The following ULK4 variants were observed in gnomAD, a reference collection of about 807,000 sequenced individuals.
ULK4 encodes the protein unc-51 like kinase 4.
In ULK4, 133 loss-of-function variants were observed where a neutral mutation model predicts 160.6. The ratio of observed to expected loss-of-function variants is 0.83; its 90% CI spans 0.72 to 0.96. The LOEUF (loss-of-function observed/expected upper bound fraction) is 0.96, where lower values mean the gene tolerates loss of function less well. Among genes scored for constraint, ULK4 ranks in the 40% least tolerant of loss-of-function variants. The probability of loss-of-function intolerance (pLI) is 0.00; values close to 1 mark genes in which losing one functional copy is unlikely to be tolerated. For synonymous variants in ULK4, 534 were observed against 539.8 expected (o/e 0.99, Z 0.15); for missense variants, 1,580 against 1,499.5 (o/e 1.05, Z -0.89).
At chr3:41,650,146 C>T (rs949965726) in intron 30 of ULK4, among the ~76,000 whole-genome samples, 1 of 152,180 alleles carries the variant, frequency 6.6e-6, no homozygotes, top group Non-Finnish European at 1.5e-5. Flanking sequence ...CACTTTGGGT[C>T]TCCTGGGAGC....
intron 30 of ULK4, among the ~76,000 whole-genome samples, chr3:41,623,585 A>C (rs1460934565): frequency 6.6e-6 from 1 of 152,162 alleles, no homozygotes; most frequent in Non-Finnish European, 1.5e-5. Context: ...AATTATCCTA[A>C]GTGAAATAAG....
At chr3:41,279,254 G>GAAAAAAAAA (rs2079295716) in intron 35 of ULK4, among the ~76,000 whole-genome samples, 2 of 54,182 alleles carry the variant, frequency 3.7e-5, no homozygotes, top group African/African-American at 2.4e-4. Flanking sequence ...GAAAAAAAGA[G>GAAAAAAAAA]TAAAAAAAAA....
intron 22 of ULK4, among the ~76,000 whole-genome samples, chr3:41,729,153 T>C (rs2037744053): frequency 6.6e-6 from 1 of 152,170 alleles, no homozygotes; most frequent in African/African-American, 2.4e-5. Flanking sequence ...TCAGGATGAC[T>C]ATATTGAGAA....
chr3:41,546,631 C>CTA (rs2086871280), intron 32 of ULK4, among the ~76,000 whole-genome samples: 1 of 152,040 alleles, frequency 6.6e-6, no homozygotes, highest in Admixed American at 6.6e-5. Context: ...CCCTATTCCT[C>CTA]TATGAAACTC....
chr3:41,335,207 C>T (rs2080530301), intron 35 of ULK4, among the ~76,000 whole-genome samples: 1 of 152,168 alleles, frequency 6.6e-6, no homozygotes, highest in Non-Finnish European at 1.5e-5. Context: ...TCCTCATTAA[C>T]AGTGAAGTTT....
At chr3:41,443,374 T>C (rs539763756) in intron 34 of ULK4, among the ~76,000 whole-genome samples, 36 of 152,352 alleles carry the variant, frequency 2.4e-4, no homozygotes, top group South Asian at 1.4e-3. Flanking sequence ...CACAGACTTA[T>C]CACTAGGGGA....
At chr3:41,896,193 T>C (rs923803818) in intron 15 of ULK4, among the ~76,000 whole-genome samples, 13 of 152,170 alleles carry the variant, frequency 8.5e-5, no homozygotes, top group Admixed American at 7.9e-4. Flanking sequence ...CCATTCCACA[T>C]GGGGAGTTCA....
rs2041045773 is a variant in ULK4 at position 41,818,668 on chromosome 3, TTC to T, written c.1848+753_1848+754del. On this transcript the variant is annotated intron_variant, in intron 19 of 36. Transcript: ENST00000301831. ...GAGTTTTTCTACACTTGGAACATGA[TTC>T]TGTTACCATATAAAGTAGGAAGCAA... Among the ~76,000 whole-genome samples, 3 of 152,306 alleles carry T rather than the reference TTC, an allele frequency of 2.0e-5. No homozygotes were observed. In the South Asian group the frequency reaches 6.2e-4, roughly 32 times the overall value.
At chr3:41,533,229 C>G (rs905243628) in intron 32 of ULK4, among the ~76,000 whole-genome samples, 3 of 152,170 alleles carry the variant, frequency 2.0e-5, no homozygotes, top group Non-Finnish European at 4.4e-5. Flanking sequence ...AAGCACACAA[C>G]AGTGAGCAAA....
intron 35 of ULK4, among the ~76,000 whole-genome samples, chr3:41,279,105 C>T (rs2079290278): frequency 6.6e-6 from 1 of 151,920 alleles, no homozygotes; most frequent in South Asian, 2.1e-4. Context: ...ACATAAATGA[C>T]CTGATGGAGC....
intron 30 of ULK4, among the ~76,000 whole-genome samples, chr3:41,621,695 T>C (rs977265717): frequency 1.3e-5 from 2 of 152,128 alleles, no homozygotes; most frequent in Non-Finnish European, 2.9e-5. Context: ...ATTCAGGACA[T>C]AGGCATGGGC....
intron 33 of ULK4, among the ~76,000 whole-genome samples, chr3:41,461,385 A>C (rs1023721260): frequency 1.3e-5 from 2 of 152,192 alleles, no homozygotes; most frequent in African/African-American, 4.8e-5. Context: ...GTTTCAAGGC[A>C]GATATGTCTT....
At chr3:41,830,040 G>GC (rs2041522157) in intron 18 of ULK4, among the ~76,000 whole-genome samples, 1 of 151,176 alleles carries the variant, frequency 6.6e-6, no homozygotes, top group South Asian at 2.1e-4. Context: ...GCAAACTATC[G>GC]CAAGGACAAA....
chr3:41,882,246 C>T, intron 17 of ULK4: 1 of 702,944 alleles, frequency 1.4e-6, no homozygotes, highest in Non-Finnish European at 2.6e-6. Context: ...TTGAACAAGA[C>T]AGTTCAAAAT....
chr3:41,252,596 AGC>A, intron 35 of ULK4, among the ~76,000 whole-genome samples: 1 of 148,210 alleles, frequency 6.7e-6, no homozygotes, highest in African/African-American at 2.5e-5. Context: ...ATCCAATCTC[AGC>A]AGCAGAGATT....
At chr3:41,423,402 C>T (rs935832406) in intron 34 of ULK4, among the ~76,000 whole-genome samples, 9 of 151,990 alleles carry the variant, frequency 5.9e-5, no homozygotes, top group Non-Finnish European at 1.3e-4. Context: ...TGTAATAACC[C>T]TCATTTAGTG....
chr3:41,446,907 T>A (rs544901257), intron 34 of ULK4, among the ~76,000 whole-genome samples: 3 of 149,522 alleles, frequency 2.0e-5, no homozygotes, highest in Non-Finnish European at 3.0e-5. Context: ...TAAAATAAAA[T>A]AAAAATAAAA....
At chr3:41,644,594 C>T (rs1029595128) in intron 30 of ULK4, among the ~76,000 whole-genome samples, 6 of 152,136 alleles carry the variant, frequency 3.9e-5, no homozygotes, top group South Asian at 2.1e-4. Context: ...ATTCGGTTTG[C>T]CAGTATTTTA....
intron 18 of ULK4, among the ~76,000 whole-genome samples, chr3:41,833,591 C>T (rs1198851030): frequency 1.3e-5 from 2 of 152,092 alleles, no homozygotes; most frequent in African/African-American, 4.8e-5. Context: ...CCACTGCGCC[C>T]AGCCAAGTAT....
Sources: gnomAD v4.1 joint callset for allele counts (sites outside exome capture counted in the v4.1 genomes callset) on GRCh38, gnomAD v4.1.1 for gene constraint, MANE v1.5 for transcripts, NCBI Gene and HGNC (gene_info 2026-07-23, HGNC 2026-07-21) for gene names.